The following AKAP12 variants were observed in gnomAD, a reference collection of about 807,000 sequenced individuals.
AKAP12 encodes A-kinase anchoring protein 12.
AKAP12 carries 32 observed loss-of-function variants against 79.9 expected under a neutral mutation model. That is an observed-to-expected ratio of 0.40 (90% confidence interval 0.30 to 0.54). The LOEUF is 0.54. Among genes scored for constraint, AKAP12 ranks in the 20% least tolerant of loss-of-function variants. The probability of loss-of-function intolerance (pLI) is 0.48; values close to 1 mark genes in which losing one functional copy is unlikely to be tolerated. For missense variants in AKAP12, 2,074 were observed against 2,177.0 expected (o/e 0.95, Z 0.94); for synonymous variants, 808 against 857.0 (o/e 0.94, Z 1.00).
intron 2 of AKAP12, among the ~76,000 whole-genome samples, chr6:151,244,981 G>A (rs1017337364): frequency 2.0e-5 from 3 of 152,326 alleles, no homozygotes; most frequent in Non-Finnish European, 1.5e-5. Context: ...GCCTTGAAAT[G>A]TGCATCCTCT....
chr6:151,284,695 T>C (rs1776466464), intron 2 of AKAP12, among the ~76,000 whole-genome samples: 2 of 152,162 alleles, frequency 1.3e-5, no homozygotes, highest in African/African-American at 4.8e-5. Context: ...TTCCCTGCCA[T>C]TGGTACTTTT....
Position 151,349,050 on chromosome 6 carries a change from T to C in AKAP12, c.659T>C (p.Leu220Pro). The part of the protein sequence containing the change: ...AGAGDHKDPS[L>P]GAGEAASKES... ...GCTGGCGACCACAAGGACCCCAGCCTTGGGGCTGGAGAAGCAGCATCCAAA... is the reference window on the plus strand; with the variant it reads ...GCTGGCGACCACAAGGACCCCAGCCCTGGGGCTGGAGAAGCAGCATCCAAA... The change falls in exon 4 of 5, where the codon CTT (leucine) becomes CCT (proline). Residue 220 changes from leucine to proline, a missense_variant. This residue lies in a region of AKAP12 where 1,428 missense variants were observed against 1,451.0 expected (regional missense o/e 0.98). Coordinates refer to ENST00000402676, the MANE Select transcript of AKAP12 (RefSeq NM_005100.4). The C allele has an allele frequency of 6.2e-7, 1 of 1,612,686 alleles. No homozygotes were observed. The highest frequency in any genetic ancestry group is 8.5e-7 in the Non-Finnish European group (1 of 1,179,640).
At position 151,352,968 on chromosome 6, in the gene AKAP12, T is replaced by C; in HGVS notation, c.4577T>C (p.Val1526Ala). 6.5e-7 allele frequency: 1 copy of C among 1,546,572 alleles called. No individual in the cohort carries two copies. The highest frequency in any genetic ancestry group is 1.9e-5 in the Admixed American group (1 of 51,888). The change falls in exon 4 of 5, where the codon GTG becomes GCG. Residue 1526 changes from valine (V) to alanine (A), a missense_variant. This residue lies in a region of AKAP12 where 614 missense variants were observed against 665.6 expected (regional missense o/e 0.92). Transcript: ENST00000402676. Reference sequence around the variant, plus strand: ...CAGGTTGCTTGCCAGGAGGTCAAAGTGAGTGTAGCAATTGAGGATTTAGAG... The same window carrying C: ...CAGGTTGCTTGCCAGGAGGTCAAAGCGAGTGTAGCAATTGAGGATTTAGAG... ...DEQVACQEVKVSVAIEDLEPE... is the reference protein window; with the variant it reads ...DEQVACQEVKASVAIEDLEPE...
At position 151,350,115 on chromosome 6, in the gene AKAP12, A is replaced by G; in HGVS notation, c.1724A>G (p.Glu575Gly). The change falls in exon 4 of 5, where the codon GAG (glutamate) becomes GGG (glycine). Residue 575 changes from glutamate (E) to glycine (G), a missense_variant. Physicochemically the swap from Glu to Gly is moderately conservative, Grantham distance 98. Around this residue, in one of 3 missense-constraint regions of AKAP12, gnomAD observed 1,428 missense variants for 1,451.0 expected, o/e 0.98. Transcript: ENST00000402676. This position sits in a 1 kb window ranked among gnomAD's most constrained non-coding sequence, Gnocchi z 4.8. Reference protein sequence around the residue: ...SSASSPEEPEEITCLEKGLAE... With the variant: ...SSASSPEEPEGITCLEKGLAE... ...GCCTCATCCCCTGAGGAGCCCGAGG[A>G]GATCACGTGTCTGGAAAAGGGCTTA... The G allele has an allele frequency of 6.2e-7, 1 of 1,614,018 alleles. No homozygotes were observed. Among genetic ancestry groups the G allele is most frequent in the Non-Finnish European group, 8.5e-7 (1 of 1,180,004 alleles).
intron 3 of AKAP12, among the ~76,000 whole-genome samples, chr6:151,315,129 G>T (rs1026905418): frequency 9.9e-5 from 15 of 151,852 alleles, no homozygotes; most frequent in Admixed American, 9.2e-4. Flanking sequence ...CTCTCTGATT[G>T]TAACTAAGCC....
rs150175076 is a variant in AKAP12, at chr6:151,289,209, C to T, written c.163-16538C>T. On this transcript the variant is annotated intron_variant, in intron 2 of 4. Coordinates refer to ENST00000402676, the MANE Select transcript of AKAP12 (RefSeq NM_005100.4). The stretch of plus-strand genomic sequence containing the variant: ...GTTCACAGTCACTGCCCTTCTCCGA[C>T]AGAACCAACACCAGCCAGCCCTCGA... Among the ~76,000 whole-genome samples the T allele has an allele frequency of 1.2e-4, 19 of 152,328 alleles. No homozygotes were observed. The East Asian group carries it at 3.7e-3, about 29-fold the overall frequency.
Position 151,350,383 on chromosome 6 carries a change from A to G in AKAP12, c.1992A>G (p.Pro664=), listed in dbSNP as rs1778249927. 2.5e-6 allele frequency: 4 copies of G among 1,613,998 alleles called. No homozygotes were observed. The highest frequency in any genetic ancestry group is 3.4e-6 in the Non-Finnish European group (4 of 1,180,028). ...QEEMKGSVEE[P]KPEEPKRKVD... ...AAATGAAAGGGAGCGTGGAAGAGCC[A>G]AAGCCGGAAGAACCAAAGCGCAAGG... Residue 664 remains proline, a synonymous_variant, in exon 4 of 5, where the codon CCA becomes CCG. Transcript: ENST00000402676. The surrounding 1 kb of genome is among the most constrained non-coding windows in gnomAD (Gnocchi z 4.8).
At chr6:151,254,590 C>A (rs1199696573) in intron 2 of AKAP12, among the ~76,000 whole-genome samples, 3 of 152,170 alleles carry the variant, frequency 2.0e-5, no homozygotes, top group South Asian at 2.1e-4. Flanking sequence ...ATCCACCCAC[C>A]TCGGCCTTCC....
chr6:151,250,225 G>A (rs570560567), intron 2 of AKAP12, among the ~76,000 whole-genome samples: 3 of 152,200 alleles, frequency 2.0e-5, no homozygotes, highest in South Asian at 2.1e-4. Flanking sequence ...TAGGCTGGGC[G>A]TTGTGGCTCA....
At chr6:151,341,644 C>G in intron 3 of AKAP12, 1 of 1,064,364 alleles carries the variant, frequency 9.4e-7, no homozygotes, top group South Asian at 2.0e-5. Context: ...CTGCCCCTGC[C>G]GGCGGGCTGC....
intron 2 of AKAP12, among the ~76,000 whole-genome samples, chr6:151,286,833 TACAAA>T (rs765137788): frequency 6.6e-6 from 1 of 152,242 alleles, no homozygotes; most frequent in Admixed American, 6.5e-5. Context: ...TCAGGTCTTT[TACAAA>T]ACAAAACAAG....
At position 151,353,084 on chromosome 6, in the gene AKAP12, G is replaced by GA. The variant is rs1562756638; in HGVS notation, c.4695dup (p.Glu1566ArgfsTer10). On this transcript the variant is annotated frameshift_variant, in exon 4 of 5. Transcript: ENST00000402676. LOFTEE classifies it low-confidence loss of function (END_TRUNC). ...AGCCGTTGACCAGTTTGTACGTACA[G>GA]AAGAAACAGCCACCGAAATGTTGAC... 6.2e-7 allele frequency: 1 copy of GA among 1,614,198 alleles called. No individual in the cohort carries two copies. The highest frequency in any genetic ancestry group is 8.5e-7 in the Non-Finnish European group (1 of 1,180,040).
At chr6:151,322,701 G>A (rs1307443397) in intron 3 of AKAP12, among the ~76,000 whole-genome samples, 1 of 148,458 alleles carries the variant, frequency 6.7e-6, no homozygotes, top group African/African-American at 2.5e-5. Context: ...CCGCCACTGG[G>A]CGTGTCCACC....
intron 2 of AKAP12, among the ~76,000 whole-genome samples, chr6:151,278,032 T>A (rs1776319548): frequency 6.6e-6 from 1 of 152,176 alleles, no homozygotes; most frequent in Admixed American, 6.5e-5. Flanking sequence ...ATAATAGAAT[T>A]TGTCCTCTTT....
chr6:151,242,337 AT>A, intron 2 of AKAP12, among the ~76,000 whole-genome samples: 1 of 133,072 alleles, frequency 7.5e-6, no homozygotes, highest in East Asian at 2.0e-4. Flanking sequence ...TATTCCTTCC[AT>A]TCTCTTTTTC....
At chr6:151,300,983 G>T (rs571290156) in intron 2 of AKAP12, among the ~76,000 whole-genome samples, 4 of 152,310 alleles carry the variant, frequency 2.6e-5, no homozygotes, top group African/African-American at 9.6e-5. Flanking sequence ...TAAGTTCAGG[G>T]TGGAGGGATA....
chr6:151,337,570 A>C (rs1374935090), intron 3 of AKAP12, among the ~76,000 whole-genome samples: 1 of 151,876 alleles, frequency 6.6e-6, no homozygotes, highest in Non-Finnish European at 1.5e-5. Flanking sequence ...AAGTTGGAAA[A>C]CTAAAATGAA....
At chr6:151,287,555 C>G (rs1043600477) in intron 2 of AKAP12, among the ~76,000 whole-genome samples, 1 of 152,136 alleles carries the variant, frequency 6.6e-6, no homozygotes, top group African/African-American at 2.4e-5. Flanking sequence ...GCCATCAGGC[C>G]CGGCCATGTT....
At chr6:151,272,493 T>TGATAGATAGATAGATA (rs76256853) in intron 2 of AKAP12, among the ~76,000 whole-genome samples, 184 of 144,356 alleles carry the variant, frequency 1.3e-3, no homozygotes, top group East Asian at 1.3e-3. Flanking sequence ...TTTCATGAGA[T>TGATAGATAGATAGATA]GATAGATAGA....
Sources: gnomAD v4.1 joint callset for allele counts (sites outside exome capture counted in the v4.1 genomes callset) on GRCh38, gnomAD v4.1.1 for gene constraint, gnomAD v4.1.1 regional missense constraint, Gnocchi (gnomAD v3.1) non-coding constraint, MANE v1.5 for transcripts, NCBI Gene and HGNC (gene_info 2026-07-23, HGNC 2026-07-21) for gene names.